GRID2: variants seen among roughly 807,000 people sequenced by gnomAD.
GRID2 encodes the protein glutamate receptor ionotropic, delta-2.
In GRID2, 33 loss-of-function variants were observed where a neutral mutation model predicts 114.8. The observed-to-expected ratio is 0.29, with a 90% CI of 0.22 to 0.38. GRID2 has a LOEUF of 0.38. GRID2 is among the 10% of genes least tolerant of loss of function. GRID2 has a pLI of 1.00. For synonymous variants in GRID2, 505 were observed against 449.9 expected, an observed-to-expected ratio of 1.12 and a Z score of -1.55; for missense variants, 1,184 against 1,257.7, an observed-to-expected ratio of 0.94 and a Z score of 0.89.
At position 93,387,452 on chromosome 4, in the gene GRID2, T is replaced by G. The variant is rs540041886; in HGVS notation, c.1246-8155T>G. On this transcript the variant is annotated intron_variant, in intron 8 of 15. Coordinates refer to ENST00000282020, the MANE Select transcript of GRID2 (RefSeq NM_001510.4). Reference sequence around the variant, plus strand: ...ACAGTTGGAAATTCACCATCTAAATTTAAAAGGGGGAAAAATCTCAGCTGA... The same window carrying G: ...ACAGTTGGAAATTCACCATCTAAATGTAAAAGGGGGAAAAATCTCAGCTGA... 5.3e-5 allele frequency among the ~76,000 whole-genome samples: 8 copies of G among 152,182 alleles called. No homozygotes were observed. The South Asian group carries it at 1.7e-3, about 32-fold the overall frequency.
At chr4:93,227,252 T>G (rs1167161964) in intron 7 of GRID2, among the ~76,000 whole-genome samples, 1 of 152,074 alleles carries the variant, frequency 6.6e-6, no homozygotes, top group Admixed American at 6.6e-5. Flanking sequence ...ATATATAATT[T>G]TTTTTGACAG....
At chr4:93,248,252 A>G (rs1748429821) in intron 8 of GRID2, among the ~76,000 whole-genome samples, 1 of 152,226 alleles carries the variant, frequency 6.6e-6, no homozygotes, top group South Asian at 2.1e-4. Flanking sequence ...AAGAACTTAT[A>G]TTAGGAATTC....
At chr4:93,196,448 G>A (rs989752057) in intron 4 of GRID2, among the ~76,000 whole-genome samples, 7 of 152,078 alleles carry the variant, frequency 4.6e-5, no homozygotes, top group Admixed American at 4.6e-4. Context: ...TTCCTGTGAA[G>A]TCTTTTAATT....
chr4:92,802,594 A>AT (rs1458268181), intron 2 of GRID2, among the ~76,000 whole-genome samples: 7 of 151,912 alleles, frequency 4.6e-5, no homozygotes, highest in African/African-American at 1.7e-4. Context: ...TCCAGTTATT[A>AT]TACAAGTAAT....
chr4:93,311,315 G>A (rs1755986334), intron 8 of GRID2, among the ~76,000 whole-genome samples: 1 of 152,122 alleles, frequency 6.6e-6, no homozygotes, highest in South Asian at 2.1e-4. Context: ...TAGGTTGCAG[G>A]TCTGCTTGTC....
Position 93,591,987 on chromosome 4 carries a change from T to A in GRID2, c.2194-34282T>A, listed in dbSNP as rs530694234. On this transcript the variant is annotated intron_variant, in intron 13 of 15. Coordinates refer to ENST00000282020, the MANE Select transcript of GRID2 (RefSeq NM_001510.4). ...TCTTGCTAGTGCTCTATCAATTTTG[T>A]TGATCCTTTCAAAAAACCAGCTCCT... Among the ~76,000 whole-genome samples, 74 of 152,306 alleles carry A rather than the reference T, an allele frequency of 4.9e-4. 1 individual carries two copies. The highest frequency in any genetic ancestry group is 3.5e-3 in the Admixed American group (54 of 15,290).
chr4:92,798,671 G>A (rs2149370318), intron 2 of GRID2, among the ~76,000 whole-genome samples: 1 of 152,100 alleles, frequency 6.6e-6, no homozygotes, highest in Non-Finnish European at 1.5e-5. Flanking sequence ...AATAAATTCA[G>A]ATCCATCAAC....
At chr4:93,620,239 C>T (rs1742087120) in intron 13 of GRID2, among the ~76,000 whole-genome samples, 1 of 152,108 alleles carries the variant, frequency 6.6e-6, no homozygotes, top group Admixed American at 6.6e-5. Flanking sequence ...AAAGGAAATT[C>T]CTATCTAACC....
In GRID2 at chr4:92,410,110, A is replaced by G. The variant is rs115070214; in HGVS notation, c.88+105366A>G. ...TATGCTACTTGTTAGCATATCCTTCACATGCCATTAAACTTTTTGGGTTTC... is the reference window on the plus strand; with the variant it reads ...TATGCTACTTGTTAGCATATCCTTCGCATGCCATTAAACTTTTTGGGTTTC... On this transcript the variant is annotated intron_variant, in intron 1 of 15. Transcript: ENST00000282020. Among the ~76,000 whole-genome samples the G allele has an allele frequency of 9.1e-3, 1,379 of 152,280 alleles. 23 individuals carry two copies. Among genetic ancestry groups the G allele is most frequent in the African/African-American group, 0.032 (1,313 of 41,566 alleles).
At chr4:92,828,994 G>T (rs927770986) in intron 2 of GRID2, among the ~76,000 whole-genome samples, 1 of 152,030 alleles carries the variant, frequency 6.6e-6, no homozygotes, top group Admixed American at 6.6e-5. Flanking sequence ...AGTTTCTTTG[G>T]CTGTGCAGAA....
intron 1 of GRID2, among the ~76,000 whole-genome samples, chr4:92,368,879 C>T (rs532424446): frequency 6.7e-6 from 1 of 149,184 alleles, no homozygotes; most frequent in East Asian, 2.0e-4. Flanking sequence ...GTGGAACTGA[C>T]ACTTATGTAG....
At chr4:93,652,840 C>T (rs1417223312) in intron 14 of GRID2, among the ~76,000 whole-genome samples, 14 of 144,980 alleles carry the variant, frequency 9.7e-5, no homozygotes, top group Admixed American at 8.4e-4. Flanking sequence ...GACACCACTT[C>T]GAATGGAGTA....
intron 2 of GRID2, among the ~76,000 whole-genome samples, chr4:92,918,972 C>G (rs1749063579): frequency 6.6e-6 from 1 of 152,020 alleles, no homozygotes; most frequent in South Asian, 2.1e-4. Context: ...CTGTGAATCC[C>G]TCTGGTCCTG....
At chr4:93,419,839 G>A (rs1214341704) in intron 9 of GRID2, among the ~76,000 whole-genome samples, 1 of 151,990 alleles carries the variant, frequency 6.6e-6, no homozygotes, top group African/African-American at 2.4e-5. Flanking sequence ...TAACCATTTA[G>A]TACACTAAAT....
At chr4:93,419,726 A>G (rs993477380) in intron 9 of GRID2, among the ~76,000 whole-genome samples, 5 of 152,126 alleles carry the variant, frequency 3.3e-5, no homozygotes, top group Non-Finnish European at 7.4e-5. Flanking sequence ...TGCTAGGAAC[A>G]GATTTTGACA....
At chr4:92,522,168 G>C (rs74446577) in intron 1 of GRID2, among the ~76,000 whole-genome samples, 4,641 of 151,770 alleles carry the variant, frequency 0.031, 90 homozygotes, top group East Asian at 0.057. Flanking sequence ...GAAGATGAGG[G>C]AGATAGCCAG....
chr4:92,744,799 T>C (rs1175024068), intron 2 of GRID2, among the ~76,000 whole-genome samples: 1 of 152,206 alleles, frequency 6.6e-6, no homozygotes, highest in Non-Finnish European at 1.5e-5. Context: ...TACTGTATAA[T>C]GTTTTGTAAA....
At chr4:93,508,214 T>G (rs1728834458) in intron 12 of GRID2, among the ~76,000 whole-genome samples, 1 of 151,482 alleles carries the variant, frequency 6.6e-6, no homozygotes, top group Non-Finnish European at 1.5e-5. Flanking sequence ...TTTTTTTTTT[T>G]TTTGACGGAG....
chr4:92,387,778 T>A (rs1460045645), intron 1 of GRID2, among the ~76,000 whole-genome samples: 1 of 152,018 alleles, frequency 6.6e-6, no homozygotes, highest in Non-Finnish European at 1.5e-5. Flanking sequence ...TTCCTAAAAT[T>A]TCTTGTTATC....
Sources: gnomAD v4.1 joint callset for allele counts (sites outside exome capture counted in the v4.1 genomes callset) on GRCh38, gnomAD v4.1.1 for gene constraint, MANE v1.5 for transcripts, NCBI Gene and HGNC (gene_info 2026-07-23, HGNC 2026-07-21) for gene names.